The following CSMD2 variants were observed in gnomAD, a reference collection of about 807,000 sequenced individuals.
CSMD2 encodes CUB and Sushi multiple domains 2.
A neutral mutation model predicts 398.5 loss-of-function variants in CSMD2; 130 were observed. That is an observed-to-expected ratio of 0.33 (90% CI 0.28 to 0.38). The LOEUF is 0.38. Among genes scored for constraint, CSMD2 ranks in the 10% least tolerant of loss-of-function variants. The probability of loss-of-function intolerance (pLI) is 1.00; values close to 1 mark genes in which losing one functional copy is unlikely to be tolerated. For missense variants in CSMD2, 3,829 were observed against 4,764.9 expected, an observed-to-expected ratio of 0.80 and a Z score of 5.78; for synonymous variants, 1,828 against 1,908.5, an observed-to-expected ratio of 0.96 and a Z score of 1.10.
intron 3 of CSMD2, among the ~76,000 whole-genome samples, chr1:33,999,453 G>A (rs967639480): frequency 1.3e-5 from 2 of 152,018 alleles, no homozygotes; most frequent in Non-Finnish European, 2.9e-5. Flanking sequence ...GTGCAGTAGC[G>A]AGATCATAGC....
chr1:33,980,417 C>T (rs1334966200), intron 3 of CSMD2, among the ~76,000 whole-genome samples: 1 of 152,134 alleles, frequency 6.6e-6, no homozygotes, highest in Non-Finnish European at 1.5e-5. Context: ...GAAACACTGG[C>T]TGAATGAAGG....
At chr1:33,762,809 G>A (rs1257322395) in intron 13 of CSMD2, among the ~76,000 whole-genome samples, 1 of 152,172 alleles carries the variant, frequency 6.6e-6, no homozygotes, top group Admixed American at 6.5e-5. Flanking sequence ...CTCTTGGAGG[G>A]CAAGAACCAT....
intron 14 of CSMD2, among the ~76,000 whole-genome samples, chr1:33,742,550 CT>C (rs1463159934): frequency 1.3e-5 from 2 of 150,402 alleles, no homozygotes; most frequent in Non-Finnish European, 3.0e-5. Flanking sequence ...TCTTTGGTGG[CT>C]TGCTATTTCT....
intron 2 of CSMD2, among the ~76,000 whole-genome samples, chr1:34,044,998 T>C (rs1295439694): frequency 6.6e-6 from 1 of 151,120 alleles, no homozygotes; most frequent in Non-Finnish European, 1.5e-5. Flanking sequence ...ATCTAGTAAT[T>C]TGCAGGTAAT....
At chr1:34,142,257 A>G (rs936902857) in intron 1 of CSMD2, among the ~76,000 whole-genome samples, 28 of 152,058 alleles carry the variant, frequency 1.8e-4, no homozygotes, top group African/African-American at 6.8e-4. Context: ...TACACATCTA[A>G]TAACTACGAG....
chr1:33,683,058 T>C (rs978660153), intron 25 of CSMD2, among the ~76,000 whole-genome samples: 1 of 152,244 alleles, frequency 6.6e-6, no homozygotes, highest in Non-Finnish European at 1.5e-5. Context: ...CTTCCATGTT[T>C]GTCTACTTTT....
chr1:33,757,102 A>T (rs1011554716), intron 13 of CSMD2, among the ~76,000 whole-genome samples: 18 of 151,982 alleles, frequency 1.2e-4, no homozygotes, highest in African/African-American at 4.4e-4. Context: ...GTGGGAATTG[A>T]ACAATGAGAA....
At chr1:33,626,361 T>C (rs1206385543) in intron 33 of CSMD2, 125 bp downstream of exon 33, 4 of 571,114 alleles carry the variant, frequency 7.0e-6, no homozygotes, top group Non-Finnish European at 1.2e-5. Context: ...TACAAACTAG[T>C]AACTGCCCCC....
chr1:33,804,790 T>C, intron 10 of CSMD2: 1 of 717,464 alleles, frequency 1.4e-6, no homozygotes, highest in Non-Finnish European at 2.6e-6. Flanking sequence ...CAGCATCCAT[T>C]GTCCTTGCTG....
chr1:33,879,041 A>G (rs529567462), intron 5 of CSMD2, among the ~76,000 whole-genome samples: 3 of 152,216 alleles, frequency 2.0e-5, no homozygotes, highest in African/African-American at 7.2e-5. Flanking sequence ...ATGCAGACCA[A>G]CACAATCAAA....
intron 3 of CSMD2, among the ~76,000 whole-genome samples, chr1:34,010,920 T>C (rs1188648807): frequency 6.6e-6 from 1 of 152,192 alleles, no homozygotes; most frequent in Non-Finnish European, 1.5e-5. Context: ...CCACCGCGCC[T>C]GGCCAGTGAT....
intron 47 of CSMD2, 147 bp from the exon 48 acceptor site, chr1:33,581,046 C>A (rs292808): frequency 0.36 from 264,490 of 725,622 alleles, 50,222 homozygotes; most frequent in African/African-American, 0.48. Context: ...CATCCACAGG[C>A]ATTGCTCAAG....
intron 44 of CSMD2, among the ~76,000 whole-genome samples, chr1:33,594,593 C>T (rs902438766): frequency 2.0e-5 from 3 of 152,120 alleles, no homozygotes; most frequent in Admixed American, 1.3e-4. Flanking sequence ...TGGTTCCTTT[C>T]TTCCTGAATG....
intron 24 of CSMD2, among the ~76,000 whole-genome samples, chr1:33,693,584 T>C (rs1021569491): frequency 2.0e-5 from 3 of 152,164 alleles, no homozygotes; most frequent in African/African-American, 7.2e-5. Context: ...GCAATTCTGC[T>C]CTTAGGCATA....
chr1:33,989,731 A>G (rs1279479308), intron 3 of CSMD2, among the ~76,000 whole-genome samples: 5 of 152,198 alleles, frequency 3.3e-5, no homozygotes, highest in Non-Finnish European at 5.9e-5. Context: ...GTCAGACACA[A>G]GAGTATATAT....
intron 3 of CSMD2, among the ~76,000 whole-genome samples, chr1:33,998,411 AC>A (rs1326278029): frequency 6.6e-6 from 1 of 152,210 alleles, no homozygotes; most frequent in African/African-American, 2.4e-5. Context: ...CAGAAAACAG[AC>A]TAAGATCTCC....
chr1:33,765,741 G>A (rs996809411), intron 13 of CSMD2, among the ~76,000 whole-genome samples: 3 of 152,236 alleles, frequency 2.0e-5, no homozygotes, highest in African/African-American at 7.2e-5. Flanking sequence ...AATAAATAGG[G>A]AAAATGAGGT....
intron 2 of CSMD2, among the ~76,000 whole-genome samples, chr1:34,040,407 C>A (rs1300118967): frequency 2.0e-5 from 3 of 151,642 alleles, no homozygotes; most frequent in Non-Finnish European, 1.5e-5. Context: ...TGACTGACAT[C>A]CCTTTTCTTT....
Position 33,635,296 on chromosome 1 carries a change from T to C in CSMD2, c.5004A>G (p.Gly1668=). 6.2e-7 allele frequency: 1 copy of C among 1,613,204 alleles called. No homozygotes were observed. The highest frequency in any genetic ancestry group is 8.5e-7 in the Non-Finnish European group (1 of 1,179,304). Residue 1668 remains glycine, a synonymous_variant, in exon 31 of 71, where the codon GGA becomes GGG. Coordinates refer to ENST00000373381, the MANE Select transcript of CSMD2 (RefSeq NM_001281956.2). This position sits in a 1 kb window ranked among gnomAD's most constrained non-coding sequence, Gnocchi z 5.0. ...GGGGGTAGTTGGGGGACAAGACCAC[T>C]CCGTCCGAACCCACATACTGTCCCC... ...PCGGQYVGSD[G]VVLSPNYPQN... is the part of the protein sequence containing the mutation.
Sources: allele counts gnomAD v4.1 joint callset (sites outside exome capture counted in the v4.1 genomes callset), GRCh38; gene constraint gnomAD v4.1.1; non-coding constraint Gnocchi (gnomAD v3.1); transcripts MANE v1.5; gene names NCBI Gene and HGNC (gene_info 2026-07-23, HGNC 2026-07-21).